The following QTMAN variants were observed in gnomAD, a reference collection of about 807,000 sequenced individuals.
QTMAN encodes tRNA-queuosine alpha-mannosyltransferase.
At chr2:144,211,772 C>A in the QTMAN span, among the ~76,000 whole-genome samples, 5 of 151,588 alleles carry the variant, frequency 3.3e-5, no homozygotes, top group Non-Finnish European at 5.9e-5. Flanking sequence ...AAAAAAAAAA[C>A]CACTTCACTG....
the QTMAN span, among the ~76,000 whole-genome samples, chr2:144,201,300 G>C: frequency 6.6e-6 from 1 of 152,124 alleles, no homozygotes; most frequent in Non-Finnish European, 1.5e-5. Flanking sequence ...TGCCAACAAA[G>C]GGACCAGCAA....
chr2:144,215,363 T>C, the QTMAN span, among the ~76,000 whole-genome samples: 19 of 151,974 alleles, frequency 1.3e-4, no homozygotes, highest in East Asian at 3.7e-3. Context: ...ATTAGTAAAG[T>C]GTCTTGGTTA....
the QTMAN span, among the ~76,000 whole-genome samples, chr2:144,141,670 AAGAAG>A: frequency 6.6e-6 from 1 of 151,696 alleles, no homozygotes; most frequent in African/African-American, 2.4e-5. Context: ...AAGAAAAGAA[AAGAAG>A]GACTCAATAT....
At chr2:144,302,262 C>T in the QTMAN span, among the ~76,000 whole-genome samples, 1 of 151,518 alleles carries the variant, frequency 6.6e-6, no homozygotes, top group Non-Finnish European at 1.5e-5. Context: ...CATATATATA[C>T]TCACACATAT....
chr2:144,247,475 A>G, the QTMAN span, among the ~76,000 whole-genome samples: 156 of 152,318 alleles, frequency 1.0e-3, no homozygotes, highest in Admixed American at 3.9e-3. Flanking sequence ...ATTGGAATCT[A>G]ACTATACTGG....
the QTMAN span, among the ~76,000 whole-genome samples, chr2:144,203,285 T>C: frequency 2.0e-5 from 3 of 151,756 alleles, no homozygotes; most frequent in Admixed American, 1.3e-4. Flanking sequence ...GACCAAATGG[T>C]TGGTTATTTG....
the QTMAN span, among the ~76,000 whole-genome samples, chr2:144,119,843 G>A: frequency 0.044 from 6,646 of 151,604 alleles, 486 homozygotes; most frequent in African/African-American, 0.15. Context: ...AGCACCCTGC[G>A]TTTGCCCATA....
chr2:144,184,328 C>T, the QTMAN span, among the ~76,000 whole-genome samples: 3 of 151,920 alleles, frequency 2.0e-5, no homozygotes, highest in African/African-American at 7.3e-5. Context: ...CAAGTGTTAA[C>T]AATTATGAGA....
the QTMAN span, among the ~76,000 whole-genome samples, chr2:144,053,863 T>C: frequency 6.6e-6 from 1 of 152,066 alleles, no homozygotes; most frequent in African/African-American, 2.4e-5. Flanking sequence ...GGCAGATCTG[T>C]ACCCTAGCCA....
the QTMAN span, among the ~76,000 whole-genome samples, chr2:144,209,148 T>G: frequency 1.3e-5 from 2 of 152,232 alleles, no homozygotes; most frequent in Non-Finnish European, 2.9e-5. Context: ...GCTGTAAGCC[T>G]AACTCAGTAA....
At chr2:144,108,056 C>G in the QTMAN span, among the ~76,000 whole-genome samples, 65 of 152,248 alleles carry the variant, frequency 4.3e-4, no homozygotes, top group African/African-American at 1.4e-3. Context: ...ATTCAACAGC[C>G]CTTCATGCTA....
chr2:144,222,152 C>A, the QTMAN span, among the ~76,000 whole-genome samples: 1 of 151,888 alleles, frequency 6.6e-6, no homozygotes. Context: ...CTCCGCCTCC[C>A]GGGTTTACAC....
the QTMAN span, among the ~76,000 whole-genome samples, chr2:143,981,831 C>T: frequency 6.6e-6 from 1 of 151,776 alleles, no homozygotes; most frequent in Non-Finnish European, 1.5e-5. Flanking sequence ...CTTGTTGCTA[C>T]ATATGTTGTA....
chr2:144,042,537 C>G, the QTMAN span, among the ~76,000 whole-genome samples: 5 of 151,930 alleles, frequency 3.3e-5, no homozygotes, highest in East Asian at 1.9e-4. Flanking sequence ...GGGCAGATCA[C>G]GAGGTCAGGA....
the QTMAN span, among the ~76,000 whole-genome samples, chr2:144,126,933 ATAT>A: frequency 6.6e-6 from 1 of 152,068 alleles, no homozygotes; most frequent in Non-Finnish European, 1.5e-5. Context: ...AGCTCTGGGT[ATAT>A]TATTTGTGCT....
At chr2:143,995,293 G>A in the QTMAN span, among the ~76,000 whole-genome samples, 4 of 152,200 alleles carry the variant, frequency 2.6e-5, no homozygotes, top group South Asian at 8.3e-4. Flanking sequence ...GATGAAAAAA[G>A]ATGACTTTAT....
the QTMAN span, among the ~76,000 whole-genome samples, chr2:144,246,032 A>G: frequency 1.3e-5 from 2 of 152,160 alleles, no homozygotes; most frequent in Non-Finnish European, 2.9e-5. Context: ...GAACTGATCT[A>G]CTGTACTTCC....
chr2:144,090,469 T>TA, the QTMAN span, among the ~76,000 whole-genome samples: 1 of 151,946 alleles, frequency 6.6e-6, no homozygotes, highest in Non-Finnish European at 1.5e-5. Flanking sequence ...GAAAATCTGA[T>TA]AAAATCTACA....
chr2:144,108,022 G>A, the QTMAN span, among the ~76,000 whole-genome samples: 1 of 152,156 alleles, frequency 6.6e-6, no homozygotes, highest in African/African-American at 2.4e-5. Flanking sequence ...TATCTCAATA[G>A]ATGCAGAAAA....
Sources: allele counts gnomAD v4.1 joint callset (sites outside exome capture counted in the v4.1 genomes callset), GRCh38; gene constraint gnomAD v4.1.1; transcripts MANE v1.5; gene names NCBI Gene and HGNC (gene_info 2026-07-23, HGNC 2026-07-21).